FAM81B: variants seen among roughly 807,000 people sequenced by gnomAD.
FAM81B encodes the protein protein FAM81B.
Under a neutral mutation model 58.7 loss-of-function variants are expected in FAM81B, and 60 were observed. That is an observed-to-expected ratio of 1.02 (90% CI 0.83 to 1.27). The LOEUF (loss-of-function observed/expected upper bound fraction) is 1.27. FAM81B is among the 50% of genes most tolerant of loss of function. The probability of loss-of-function intolerance (pLI) is 0.00; values close to 1 mark genes in which losing one functional copy is unlikely to be tolerated. For missense variants in FAM81B, 491 were observed against 522.0 expected (o/e 0.94, Z 0.58); for synonymous variants, 189 against 179.6 (o/e 1.05, Z -0.42).
At position 95,446,709 on chromosome 5, in the gene FAM81B, T is replaced by C. The variant is rs1288630729; in HGVS notation, c.1029+12T>C. The C allele has an allele frequency of 3.7e-6, 6 of 1,609,636 alleles. No individual in the cohort carries two copies. Among genetic ancestry groups the C allele is most frequent in the East Asian group, 2.2e-5 (1 of 44,846 alleles). On this transcript the variant is annotated intron_variant, in intron 8 of 9. Transcript: ENST00000283357. ...TACAGGAGAAACTGGTGAGGAGTTC[T>C]GTTATTTTGTGAAGCAAGCACCTGC...
chr5:95,401,572 T>G (rs893618110), intron 3 of FAM81B, among the ~76,000 whole-genome samples: 1 of 152,104 alleles, frequency 6.6e-6, no homozygotes, highest in Non-Finnish European at 1.5e-5. Context: ...AAATATTCTC[T>G]GAGATTTCAC....
At chr5:95,394,404 G>T (rs1013670743) in intron 2 of FAM81B, among the ~76,000 whole-genome samples, 1 of 152,130 alleles carries the variant, frequency 6.6e-6, no homozygotes, top group Non-Finnish European at 1.5e-5. Flanking sequence ...GGACCAACCG[G>T]TTGCTGAGGA....
intron 3 of FAM81B, among the ~76,000 whole-genome samples, chr5:95,402,751 C>T (rs1187100474): frequency 1.3e-5 from 2 of 152,224 alleles, no homozygotes; most frequent in African/African-American, 4.8e-5. Context: ...CCAATAGCAC[C>T]TCACCCGCAA....
intron 2 of FAM81B, 24 bp downstream of exon 2, chr5:95,392,921 T>C (rs1278228648): frequency 6.4e-7 from 1 of 1,570,830 alleles, no homozygotes; most frequent in Non-Finnish European, 8.7e-7. Context: ...AATATTCACA[T>C]TAAAAGTAGA....
At position 95,446,698 on chromosome 5, in the gene FAM81B, G is replaced by T; in HGVS notation, c.1029+1G>T. The T allele has an allele frequency of 2.5e-6, 4 of 1,610,804 alleles. No homozygotes were observed. Among genetic ancestry groups the T allele is most frequent in the Non-Finnish European group, 3.4e-6 (4 of 1,179,244 alleles). On this transcript the variant is annotated splice_donor_variant, in intron 8 of 9. Coordinates refer to ENST00000283357, the MANE Select transcript of FAM81B (RefSeq NM_152548.3). LOFTEE classifies it high-confidence loss of function. ...TCTGAAGGTCCTACAGGAGAAACTG[G>T]TGAGGAGTTCTGTTATTTTGTGAAG...
At chr5:95,404,920 G>C (rs1237548431) in intron 3 of FAM81B, among the ~76,000 whole-genome samples, 1 of 152,188 alleles carries the variant, frequency 6.6e-6, no homozygotes, top group African/African-American at 2.4e-5. Flanking sequence ...GATAAATGGA[G>C]GGAAGAATGG....
At chr5:95,421,993 G>A (rs555616694) in intron 5 of FAM81B, among the ~76,000 whole-genome samples, 10 of 152,226 alleles carry the variant, frequency 6.6e-5, no homozygotes, top group African/African-American at 1.9e-4. Context: ...GTAATAAAAT[G>A]TTTGGCTTCC....
At position 95,447,720 on chromosome 5, in the gene FAM81B, G is replaced by A. The variant is rs367791079; in HGVS notation, c.1030-549G>A. ...TCCCAGATTCCCTGTGGAGAAGTGA[G>A]GAGAAAAGCAGCTGATTATCCTAAG... On this transcript the variant is annotated intron_variant, in intron 8 of 9. Transcript: ENST00000283357. Among the ~76,000 whole-genome samples the A allele has an allele frequency of 4.6e-5, 7 of 152,338 alleles. No individual in the cohort carries two copies. The East Asian group carries it at 1.2e-3, about 25-fold the overall frequency.
At chr5:95,408,385 T>C (rs1762321615) in intron 3 of FAM81B, among the ~76,000 whole-genome samples, 1 of 152,242 alleles carries the variant, frequency 6.6e-6, no homozygotes, top group Non-Finnish European at 1.5e-5. Context: ...TTGCTCATCT[T>C]TGCCTTTAAT....
intron 2 of FAM81B, among the ~76,000 whole-genome samples, chr5:95,395,264 C>G (rs1264477795): frequency 1.3e-5 from 2 of 151,698 alleles, no homozygotes; most frequent in Non-Finnish European, 2.9e-5. Flanking sequence ...ATGGTAAAAC[C>G]CCATCTCTAC....
At chr5:95,426,720 T>C (rs1454367729) in intron 5 of FAM81B, among the ~76,000 whole-genome samples, 4 of 152,172 alleles carry the variant, frequency 2.6e-5, no homozygotes, top group Admixed American at 2.6e-4. Context: ...CCCCTTTTTT[T>C]CAGATGAGGA....
At chr5:95,435,851 C>T (rs1745077779) in intron 6 of FAM81B, among the ~76,000 whole-genome samples, 1 of 152,074 alleles carries the variant, frequency 6.6e-6, no homozygotes, top group Non-Finnish European at 1.5e-5. Context: ...TATTTTATTT[C>T]AAACATTTCC....
intron 3 of FAM81B, among the ~76,000 whole-genome samples, chr5:95,411,354 T>C (rs1762400509): frequency 1.3e-5 from 2 of 151,446 alleles, no homozygotes; most frequent in Admixed American, 1.3e-4. Flanking sequence ...AGACATTTCT[T>C]CACATTTATA....
chr5:95,420,386 CGAG>C lies in FAM81B; in HGVS notation c.643_645del (p.Gly215del), dbSNP rs1561301550. The C allele has an allele frequency of 1.9e-6, 3 of 1,613,478 alleles. No homozygotes were observed. The East Asian group carries it at 6.7e-5, about 36-fold the overall frequency. On this transcript the variant is annotated inframe_deletion, in exon 5 of 10. Coordinates refer to ENST00000283357, the MANE Select transcript of FAM81B (RefSeq NM_152548.3). ...ACACCTACAAGGAGTTGGAGATCTT[CGAG>C]GAAGAGTAGCCAGGTGAGAAGAAGC...
At chr5:95,432,150 C>T (rs892070195) in intron 6 of FAM81B, among the ~76,000 whole-genome samples, 2 of 151,984 alleles carry the variant, frequency 1.3e-5, no homozygotes, top group African/African-American at 4.8e-5. Flanking sequence ...TTATCAAATA[C>T]CTTTTCAGCA....
chr5:95,392,862 C>G lies in FAM81B; in HGVS notation c.193C>G (p.Pro65Ala). 3 of 1,611,980 alleles carry G rather than the reference C, an allele frequency of 1.9e-6. No individual in the cohort carries two copies. The highest frequency in any genetic ancestry group is 2.5e-6 in the Non-Finnish European group (3 of 1,179,126). Reference protein sequence around the residue: ...AEEQPVEPDGPLPGSDNNQEK... With the variant: ...AEEQPVEPDGALPGSDNNQEK... ...GGAACAGCCAGTTGAACCTGATGGCCCCCTTCCTGGCTCAGACAATAACCA... is the reference window on the plus strand; with the variant it reads ...GGAACAGCCAGTTGAACCTGATGGCGCCCTTCCTGGCTCAGACAATAACCA... Residue 65 changes from proline to alanine, a missense_variant, in exon 2 of 10, where the codon CCC (proline) becomes GCC (alanine). Coordinates refer to ENST00000283357, the MANE Select transcript of FAM81B (RefSeq NM_152548.3).
At chr5:95,396,668 T>C (rs1000096208) in intron 3 of FAM81B, 1 of 152,770 alleles carries the variant, frequency 6.5e-6, no homozygotes, top group African/African-American at 2.4e-5. Flanking sequence ...CACTTGGAAA[T>C]AGAGTAACAC....
At chr5:95,395,216 G>A (rs1761931932) in intron 2 of FAM81B, among the ~76,000 whole-genome samples, 1 of 151,970 alleles carries the variant, frequency 6.6e-6, no homozygotes, top group African/African-American at 2.4e-5. Flanking sequence ...GAGGCAGGCG[G>A]ATCACAAGGT....
At chr5:95,438,785 TA>T (rs11299017) in intron 7 of FAM81B, among the ~76,000 whole-genome samples, 35,590 of 128,094 alleles carry the variant, frequency 0.28, 6,176 homozygotes, top group African/African-American at 0.53. Flanking sequence ...GCATTAATTG[TA>T]AAAAAAAAAA....
Sources: gnomAD v4.1 joint callset for allele counts (sites outside exome capture counted in the v4.1 genomes callset) on GRCh38, gnomAD v4.1.1 for gene constraint, MANE v1.5 for transcripts, NCBI Gene and HGNC (gene_info 2026-07-23, HGNC 2026-07-21) for gene names.